MVP: variants seen among roughly 807,000 people sequenced by gnomAD.
The protein encoded by MVP is major vault protein.
In MVP, 62 loss-of-function variants were observed where a neutral mutation model predicts 83.5. The observed-to-expected ratio is 0.74, with a 90% CI of 0.61 to 0.92. The LOEUF (loss-of-function observed/expected upper bound fraction) is 0.92. Among genes scored for constraint, MVP ranks in the 40% least tolerant of loss-of-function variants. MVP has a pLI of 0.00. For synonymous variants in MVP, 505 were observed against 504.1 expected (o/e 1.00, Z -0.02); for missense variants, 1,000 against 1,203.4 (o/e 0.83, Z 2.50).
chr16:29,847,881 G>A lies in MVP; in HGVS notation c.2574G>A (p.Leu858=). 6.2e-7 allele frequency: 1 copy of A among 1,614,070 alleles called. No homozygotes were observed. The highest frequency in any genetic ancestry group is 1.3e-5 in the African/African-American group (1 of 75,056). The stretch of plus-strand genomic sequence containing the variant: ...GGATGGGGCCCGAGGGTCAGCCCCT[G>A]GGCAGAAGGGTGGCCAGTGGGCCCA... ...LLGMGPEGQP[L]GRRVASGPSP... is the part of the protein sequence containing the mutation. The change falls in exon 15 of 15, where the codon CTG becomes CTA. Residue 858 remains leucine (L), a synonymous_variant. Transcript: ENST00000357402.
chr16:29,838,554 GC>G (rs1374109761), intron 7 of MVP, among the ~76,000 whole-genome samples: 21 of 152,186 alleles, frequency 1.4e-4, no homozygotes, highest in Admixed American at 4.6e-4. Context: ...CAGGCCAGGC[GC>G]AACAGCTCAT....
At chr16:29,834,244 T>C in intron 5 of MVP, 178 bp downstream of exon 5, 1 of 844,322 alleles carries the variant, frequency 1.2e-6, no homozygotes, top group Non-Finnish European at 1.8e-6. Flanking sequence ...TTCATGCTGT[T>C]TCCACTTGGG....
intron 1 of MVP, chr16:29,820,961 C>CT (rs2067354162): frequency 6.6e-6 from 1 of 152,368 alleles, no homozygotes; most frequent in Non-Finnish European, 1.5e-5. Context: ...CCCCTTAACT[C>CT]TGACAGATGA....
chr16:29,844,746 C>T lies in MVP; in HGVS notation c.1888C>T (p.Gln630Ter). Residue 630 changes from glutamine to a stop codon, truncating the protein, a stop_gained, in exon 11 of 15, where the codon CAA (glutamine) becomes TAA (stop). Coordinates refer to ENST00000357402, the MANE Select transcript of MVP (RefSeq NM_005115.5). LOFTEE classifies it high-confidence loss of function. ...PRPRDQAVFP[Q>*]NGLVVSSVDV... ...GCCCCGGGACCAGGCTGTCTTCCCC[C>T]AAAACGGGCTGGTGGTCAGCAGTGT... is the stretch of plus-strand genomic sequence containing the variant. 6.2e-7 allele frequency: 1 copy of T among 1,612,768 alleles called. No homozygotes were observed. Among genetic ancestry groups the T allele is most frequent in the Non-Finnish European group, 8.5e-7 (1 of 1,179,992 alleles).
chr16:29,847,041 TTGAC>T (rs1245499499), intron 13 of MVP, among the ~76,000 whole-genome samples, 152 bp from the exon 14 acceptor site: 2 of 151,856 alleles, frequency 1.3e-5, no homozygotes, highest in African/African-American at 4.8e-5. Flanking sequence ...AATTTTTTAA[TTGAC>T]TGGGTGTGGT....
chr16:29,841,834 G>A lies in MVP; in HGVS notation c.1430G>A (p.Arg477Gln), dbSNP rs748570854. 6.8e-6 allele frequency: 11 copies of A among 1,609,080 alleles called. No homozygotes were observed. Among genetic ancestry groups the A allele is most frequent in the African/African-American group, 5.3e-5 (4 of 74,894 alleles). Residue 477 changes from arginine to glutamine, a missense_variant, in exon 9 of 15, where the codon CGA becomes CAA. Coordinates refer to ENST00000357402, the MANE Select transcript of MVP (RefSeq NM_005115.5). The surrounding 1 kb of genome is among the most constrained non-coding windows in gnomAD (Gnocchi z 4.7). ...CAGGTGTACGACTACCGAGAGAAGC[G>A]AGCCCGGTGAGTGCTGGCAGCGCAG... The part of the protein sequence containing the change: ...AVQVYDYREK[R>Q]ARVVFGPELV...
At chr16:29,837,063 C>A (rs1465131582) in intron 7 of MVP, 105 bp downstream of exon 7, 2 of 1,015,402 alleles carry the variant, frequency 2.0e-6, no homozygotes, top group Non-Finnish European at 2.8e-6. Context: ...TCTAGGAACA[C>A]CTTCTGTGCC....
chr16:29,847,912 G>A lies in MVP; in HGVS notation c.2605G>A (p.Gly869Arg). 4 of 1,613,830 alleles carry A rather than the reference G, an allele frequency of 2.5e-6. No individual in the cohort carries two copies. The highest frequency in any genetic ancestry group is 3.4e-6 in the Non-Finnish European group (4 of 1,179,870). The change falls in exon 15 of 15, where the codon GGG (glycine) becomes AGG (arginine). Residue 869 changes from glycine (G) to arginine (R), a missense_variant. By Grantham distance (125) the Gly-to-Arg change is moderately radical. Coordinates refer to ENST00000357402, the MANE Select transcript of MVP (RefSeq NM_005115.5). ...GRRVASGPSP[G>R]EGISPQSAQA... ...AAGGGTGGCCAGTGGGCCCAGCCCT[G>A]GGGAGGGGATATCCCCCCAGTCTGC...
intron 5 of MVP, chr16:29,835,094 T>G (rs1412617642): frequency 6.6e-6 from 1 of 152,176 alleles, no homozygotes; most frequent in Non-Finnish European, 1.5e-5. Flanking sequence ...GGCTGGGACC[T>G]GCATCCAGGC....
chr16:29,838,603 G>A (rs749081323), intron 7 of MVP, among the ~76,000 whole-genome samples: 2 of 152,118 alleles, frequency 1.3e-5, no homozygotes, highest in African/African-American at 2.4e-5. Context: ...CGAGGCAGGA[G>A]GATTGCTTGA....
chr16:29,824,465 C>A (rs2067391581), intron 1 of MVP, among the ~76,000 whole-genome samples: 1 of 152,024 alleles, frequency 6.6e-6, no homozygotes, highest in South Asian at 2.1e-4. Flanking sequence ...GGTCAATTGC[C>A]ATTTAAGACT....
At position 29,840,305 on chromosome 16, in the gene MVP, A is replaced by C. The variant is rs2067523829; in HGVS notation, c.1037A>C (p.Glu346Ala). 1 of 1,613,304 alleles carries C rather than the reference A, an allele frequency of 6.2e-7. No individual in the cohort carries two copies. The highest frequency in any genetic ancestry group is 1.3e-5 in the African/African-American group (1 of 74,970). ...ALQPLEEGED[E>A]EKVSHQAGDH... is the part of the protein sequence containing the mutation. The stretch of plus-strand genomic sequence containing the variant: ...CAGCCCCTGGAGGAGGGGGAGGATG[A>C]GGAGAAGGTCTCACACCAGGCTGGG... Residue 346 changes from glutamate (E) to alanine (A), a missense_variant, in exon 8 of 15, where the codon GAG becomes GCG. By Grantham distance (107) the Glu-to-Ala change is moderately radical (BLOSUM62 -1). Coordinates refer to ENST00000357402, the MANE Select transcript of MVP (RefSeq NM_005115.5).
chr16:29,843,751 GT>G (rs1227640666), intron 10 of MVP, among the ~76,000 whole-genome samples: 1 of 152,044 alleles, frequency 6.6e-6, no homozygotes, highest in Non-Finnish European at 1.5e-5. Context: ...GCCAGGCCTG[GT>G]TGTGGGCACC....
intron 7 of MVP, 87 bp downstream of exon 7, chr16:29,837,045 A>G (rs2067493833): frequency 8.0e-7 from 1 of 1,254,598 alleles, no homozygotes; most frequent in African/African-American, 1.5e-5. Context: ...TCTCCTCCAG[A>G]CGCACGTTCT....
chr16:29,841,566 G>A lies in MVP; in HGVS notation c.1192-30G>A, dbSNP rs1219763603. ...GATCTTCCTCCCTTCCACCCTTACG[G>A]GCAGCTTCCCTCCCTGTCCTCGTCC... is the stretch of plus-strand genomic sequence containing the variant. On this transcript the variant is annotated intron_variant, in intron 8 of 14. Transcript: ENST00000357402. The surrounding 1 kb of genome is among the most constrained non-coding windows in gnomAD (Gnocchi z 4.7). 6.5e-7 allele frequency: 1 copy of A among 1,547,798 alleles called. No individual in the cohort carries two copies. Among genetic ancestry groups the A allele is most frequent in the African/African-American group, 1.4e-5 (1 of 72,992 alleles).
In MVP at chr16:29,834,054, G is replaced by C. The variant is rs2067466303; in HGVS notation, c.565G>C (p.Glu189Gln). The change falls in exon 5 of 15, where the codon GAG becomes CAG. Residue 189 changes from glutamate (E) to glutamine (Q), a missense_variant. Coordinates refer to ENST00000357402, the MANE Select transcript of MVP (RefSeq NM_005115.5). Reference protein sequence around the residue: ...RKECWDRDGKERVTGEEWLVT... With the variant: ...RKECWDRDGKQRVTGEEWLVT... ...GGAGTGCTGGGACCGGGACGGCAAG[G>C]AGAGGGTGACAGGTGGGGTCACCAA... 4 of 1,613,626 alleles carry C rather than the reference G, an allele frequency of 2.5e-6. No homozygotes were observed. Among genetic ancestry groups the C allele is most frequent in the Non-Finnish European group, 3.4e-6 (4 of 1,179,866 alleles).
intron 10 of MVP, among the ~76,000 whole-genome samples, chr16:29,843,599 AGGGAGGGT>A (rs2067556089): frequency 3.5e-5 from 1 of 28,588 alleles, no homozygotes; most frequent in Non-Finnish European, 7.0e-5. Context: ...GAAGGGAGGG[AGGGAGGGT>A]CAGGCGTGGT....
rs766807353 is a variant in MVP at position 29,840,334 on chromosome 16, C to T, written c.1066C>T (p.His356Tyr). 2 of 1,611,710 alleles carry T rather than the reference C, an allele frequency of 1.2e-6. No homozygotes were observed. Among genetic ancestry groups the T allele is most frequent in the Non-Finnish European group, 1.7e-6 (2 of 1,179,064 alleles). Residue 356 changes from histidine to tyrosine, a missense_variant, in exon 8 of 15, where the codon CAC (histidine) becomes TAC (tyrosine). Transcript: ENST00000357402. ...EEKVSHQAGDHWLIRGPLEYV... is the reference protein window; with the variant it reads ...EEKVSHQAGDYWLIRGPLEYV... The stretch of plus-strand genomic sequence containing the variant: ...GAAGGTCTCACACCAGGCTGGGGAC[C>T]ACTGGCTCATCCGCGGACCCCTGGA...
At chr16:29,847,650 G>GT in intron 14 of MVP, 112 bp from the exon 15 acceptor site, 1 of 1,102,278 alleles carries the variant, frequency 9.1e-7, no homozygotes, top group East Asian at 2.3e-5. Flanking sequence ...GTCAAGCAGG[G>GT]TGGTCAGATG....
Sources: allele counts gnomAD v4.1 joint callset (sites outside exome capture counted in the v4.1 genomes callset), GRCh38; gene constraint gnomAD v4.1.1; non-coding constraint Gnocchi (gnomAD v3.1); transcripts MANE v1.5; gene names NCBI Gene and HGNC (gene_info 2026-07-23, HGNC 2026-07-21).